Variants in STK32B observed in about 807,000 individuals in gnomAD.
The protein encoded by STK32B is serine/threonine kinase 32B.
In STK32B, 43 loss-of-function variants were observed where a neutral mutation model predicts 52.6. The ratio of observed to expected loss-of-function variants is 0.82; its 90% CI spans 0.64 to 1.05. STK32B has a LOEUF of 1.05. Among genes scored for constraint, STK32B ranks in the 50% least tolerant of loss-of-function variants. The probability of loss-of-function intolerance (pLI) is 0.00; values close to 1 mark genes in which losing one functional copy is unlikely to be tolerated. For synonymous variants in STK32B, 238 were observed against 204.3 expected (o/e 1.17, Z -1.41); for missense variants, 621 against 534.6 (o/e 1.16, Z -1.59).
At chr4:5,123,079 C>T (rs918498195) in intron 1 of STK32B, among the ~76,000 whole-genome samples, 1 of 152,138 alleles carries the variant, frequency 6.6e-6, no homozygotes, top group Non-Finnish European at 1.5e-5. Flanking sequence ...CTCAACAGGA[C>T]CCAAGCCAAC....
intron 3 of STK32B, among the ~76,000 whole-genome samples, chr4:5,299,695 A>C (rs1214890362): frequency 6.6e-6 from 1 of 152,186 alleles, no homozygotes; most frequent in African/African-American, 2.4e-5. Context: ...GAAGTCAGGT[A>C]ATGTGACGTT....
chr4:5,208,980 A>G (rs895806041), intron 3 of STK32B, among the ~76,000 whole-genome samples: 9 of 152,198 alleles, frequency 5.9e-5, no homozygotes, highest in Non-Finnish European at 1.2e-4. Flanking sequence ...GAAGAAGTCT[A>G]GTTTTCTTTG....
intron 3 of STK32B, among the ~76,000 whole-genome samples, chr4:5,252,097 C>T (rs987993439): frequency 6.6e-6 from 1 of 152,216 alleles, no homozygotes; most frequent in Admixed American, 6.5e-5. Context: ...AACAACCCCC[C>T]ATCAGATGTC....
chr4:5,084,471 A>G (rs967667750), intron 1 of STK32B, among the ~76,000 whole-genome samples: 1 of 152,252 alleles, frequency 6.6e-6, no homozygotes. Context: ...GAAAAAAATG[A>G]TATTTATGAA....
At chr4:5,116,394 A>G (rs892887722) in intron 1 of STK32B, among the ~76,000 whole-genome samples, 5 of 152,206 alleles carry the variant, frequency 3.3e-5, no homozygotes, top group Non-Finnish European at 5.9e-5. Flanking sequence ...TAAAATCTGT[A>G]TATATTTACA....
intron 4 of STK32B, among the ~76,000 whole-genome samples, chr4:5,368,764 G>A (rs1013676023): frequency 3.9e-5 from 6 of 152,174 alleles, no homozygotes; most frequent in African/African-American, 1.4e-4. Context: ...AAACACCCCA[G>A]AAATCCACTG....
intron 3 of STK32B, among the ~76,000 whole-genome samples, chr4:5,213,489 C>T (rs920968346): frequency 6.6e-6 from 1 of 152,210 alleles, no homozygotes; most frequent in Non-Finnish European, 1.5e-5. Context: ...CCAGCTTAGA[C>T]ACAGTTGAGA....
At position 5,165,596 on chromosome 4, in the gene STK32B, G is replaced by C. The variant is rs1275893527; in HGVS notation, c.109-2703G>C. ...TCTTCTGAGAAGGCGAATGAGAAGT[G>C]AGAGAGACCACAAATTCTAATTAGT... On this transcript the variant is annotated intron_variant, in intron 2 of 11. Coordinates refer to ENST00000282908, the MANE Select transcript of STK32B (RefSeq NM_018401.3). Among the ~76,000 whole-genome samples, 4 of 152,120 alleles carry C rather than the reference G, an allele frequency of 2.6e-5. No individual in the cohort carries two copies. The East Asian group carries it at 7.8e-4, about 30-fold the overall frequency.
At chr4:5,296,853 T>C (rs552146733) in intron 3 of STK32B, among the ~76,000 whole-genome samples, 1 of 152,332 alleles carries the variant, frequency 6.6e-6, no homozygotes, top group East Asian at 1.9e-4. Flanking sequence ...AGTTTCTTCA[T>C]AGTGTCATTG....
At chr4:5,044,551 T>C in the STK32B span, among the ~76,000 whole-genome samples, 2 of 152,294 alleles carry the variant, frequency 1.3e-5, no homozygotes, top group East Asian at 3.9e-4. Context: ...TGACTCATCT[T>C]TTTCCTTCCT....
intron 3 of STK32B, among the ~76,000 whole-genome samples, chr4:5,281,516 G>A (rs1017649369): frequency 6.6e-6 from 1 of 152,126 alleles, no homozygotes; most frequent in Non-Finnish European, 1.5e-5. Flanking sequence ...TAGATTACAG[G>A]TTGATGGATG....
chr4:5,471,126 G>C (rs1717823157), intron 11 of STK32B, among the ~76,000 whole-genome samples: 1 of 152,230 alleles, frequency 6.6e-6, no homozygotes, highest in South Asian at 2.1e-4. Flanking sequence ...CACAGTCCCA[G>C]GGGGACAATC....
intron 1 of STK32B, among the ~76,000 whole-genome samples, chr4:5,095,564 G>C (rs1452106240): frequency 6.6e-6 from 1 of 152,160 alleles, no homozygotes; most frequent in South Asian, 2.1e-4. Flanking sequence ...GCAGTGAGCC[G>C]AGATCATGCC....
At chr4:5,264,913 C>A (rs974385194) in intron 3 of STK32B, among the ~76,000 whole-genome samples, 2 of 152,094 alleles carry the variant, frequency 1.3e-5, no homozygotes, top group Non-Finnish European at 2.9e-5. Context: ...TTATTAGTGA[C>A]GTCTTGATGC....
intron 1 of STK32B, among the ~76,000 whole-genome samples, chr4:5,071,393 C>T (rs1024713654): frequency 6.6e-6 from 1 of 152,182 alleles, no homozygotes; most frequent in African/African-American, 2.4e-5. Context: ...CTTCCATCTC[C>T]TTGATCCTGT....
chr4:5,402,661 T>C (rs1737381739), intron 5 of STK32B, among the ~76,000 whole-genome samples: 1 of 152,222 alleles, frequency 6.6e-6, no homozygotes, highest in African/African-American at 2.4e-5. Flanking sequence ...GAAGCTCTCA[T>C]TTGATTCCTC....
chr4:5,196,843 A>G (rs1239345997), intron 3 of STK32B, among the ~76,000 whole-genome samples: 1 of 152,224 alleles, frequency 6.6e-6, no homozygotes, highest in Non-Finnish European at 1.5e-5. Flanking sequence ...ATAAATCCAG[A>G]TCTAGGTGAG....
At position 5,399,555 on chromosome 4, in the gene STK32B, G is replaced by T. The variant is rs1306987353; in HGVS notation, c.472+1311G>T. ...CAGCAGCAGCCCCAAGATGCCTGGGGCATGGACAGAGCTGAGGATCCAAAT... is the reference window on the plus strand; with the variant it reads ...CAGCAGCAGCCCCAAGATGCCTGGGTCATGGACAGAGCTGAGGATCCAAAT... On this transcript the variant is annotated intron_variant, in intron 5 of 11. Coordinates refer to ENST00000282908, the MANE Select transcript of STK32B (RefSeq NM_018401.3). This position sits in a 1 kb window ranked among gnomAD's most constrained non-coding sequence, Gnocchi z 5.4. Among the ~76,000 whole-genome samples the T allele has an allele frequency of 6.6e-6, 1 of 152,270 alleles. No homozygotes were observed. The highest frequency in any genetic ancestry group is 1.5e-5 in the Non-Finnish European group (1 of 68,016).
At chr4:5,435,125 G>A (rs961906737) in intron 6 of STK32B, among the ~76,000 whole-genome samples, 1 of 152,222 alleles carries the variant, frequency 6.6e-6, no homozygotes, top group Non-Finnish European at 1.5e-5. Context: ...CATGATGGCA[G>A]TTACAGTTGG....
Sources: allele counts gnomAD v4.1 joint callset (sites outside exome capture counted in the v4.1 genomes callset), GRCh38; gene constraint gnomAD v4.1.1; non-coding constraint Gnocchi (gnomAD v3.1); transcripts MANE v1.5; gene names NCBI Gene and HGNC (gene_info 2026-07-23, HGNC 2026-07-21).